FARS2: variants seen among roughly 807,000 people sequenced by gnomAD.
The protein encoded by FARS2 is phenylalanyl-tRNA synthetase 2, mitochondrial, also known as phenylalanine--tRNA ligase, mitochondrial.
In FARS2, 40 loss-of-function variants were observed where a neutral mutation model predicts 46.4. The observed-to-expected ratio is 0.86, with a 90% CI of 0.67 to 1.12. The LOEUF (loss-of-function observed/expected upper bound fraction) is 1.12. Ranked by LOEUF, FARS2 falls within the 50% of genes most tolerant of loss-of-function variation. The pLI, the probability that FARS2 is intolerant of heterozygous loss-of-function variation, is 0.00. For missense variants in FARS2, 513 were observed against 567.9 expected (o/e 0.90, Z 0.98); for synonymous variants, 234 against 214.9 (o/e 1.09, Z -0.78).
At chr6:5,324,029 A>G (rs1770173892) in intron 1 of FARS2, among the ~76,000 whole-genome samples, 1 of 152,062 alleles carries the variant, frequency 6.6e-6, no homozygotes, top group African/African-American at 2.4e-5. Context: ...TCTCCCTCAC[A>G]TGGAAACATG....
At chr6:5,380,887 A>G (rs1759715941) in intron 2 of FARS2, among the ~76,000 whole-genome samples, 1 of 152,144 alleles carries the variant, frequency 6.6e-6, no homozygotes, top group Admixed American at 6.5e-5. Flanking sequence ...ATCTAAATAC[A>G]ATGTTAGTCT....
At chr6:5,655,407 A>G (rs1362788880) in intron 6 of FARS2, among the ~76,000 whole-genome samples, 1 of 152,190 alleles carries the variant, frequency 6.6e-6, no homozygotes, top group Admixed American at 6.5e-5. Flanking sequence ...AATTACCACA[A>G]ACATAGTGGC....
At chr6:5,414,339 C>A (rs574254373) in intron 3 of FARS2, among the ~76,000 whole-genome samples, 2 of 152,178 alleles carry the variant, frequency 1.3e-5, no homozygotes, top group Non-Finnish European at 2.9e-5. Flanking sequence ...TAAACCATCA[C>A]CACAATCAAG....
At chr6:5,645,999 A>G (rs1279108691) in intron 6 of FARS2, among the ~76,000 whole-genome samples, 1 of 152,174 alleles carries the variant, frequency 6.6e-6, no homozygotes, top group Non-Finnish European at 1.5e-5. Context: ...CCAGGAAGCC[A>G]TCCTGTTTTT....
chr6:5,595,090 G>C (rs9502320), intron 5 of FARS2, among the ~76,000 whole-genome samples: 127,722 of 152,122 alleles, frequency 0.84, 53,804 homozygotes, highest in African/African-American at 0.9. Context: ...AGCTGAGAGG[G>C]CACAGCTTAA....
At chr6:5,327,071 G>A (rs1047971539) in intron 1 of FARS2, among the ~76,000 whole-genome samples, 5 of 152,102 alleles carry the variant, frequency 3.3e-5, no homozygotes, top group East Asian at 1.9e-4. Context: ...CTCCTTAGGC[G>A]TGATTCCTTA....
intron 4 of FARS2, among the ~76,000 whole-genome samples, chr6:5,481,475 G>T (rs1766453160): frequency 1.3e-5 from 2 of 152,136 alleles, no homozygotes; most frequent in South Asian, 2.1e-4. Flanking sequence ...TCGTTTTTCT[G>T]GATCTGCCTC....
chr6:5,442,927 A>G (rs1763923480), intron 4 of FARS2, among the ~76,000 whole-genome samples: 1 of 152,160 alleles, frequency 6.6e-6, no homozygotes, highest in South Asian at 2.1e-4. Context: ...AAGCTGTGGT[A>G]TCTGTCTACA....
chr6:5,529,898 G>T (rs759374359), intron 4 of FARS2, among the ~76,000 whole-genome samples: 1 of 152,188 alleles, frequency 6.6e-6, no homozygotes, highest in African/African-American at 2.4e-5. Flanking sequence ...AAGCTAGCTG[G>T]TTGGATGATG....
At chr6:5,650,441 A>G (rs891804917) in intron 6 of FARS2, among the ~76,000 whole-genome samples, 11 of 152,170 alleles carry the variant, frequency 7.2e-5, no homozygotes, top group African/African-American at 2.7e-4. Context: ...ACCAAGCACC[A>G]TTATAATTTA....
At chr6:5,698,473 G>A (rs1392113962) in intron 6 of FARS2, among the ~76,000 whole-genome samples, 1 of 152,190 alleles carries the variant, frequency 6.6e-6, no homozygotes, top group Non-Finnish European at 1.5e-5. Context: ...CTCAGCATGA[G>A]ATTTGGGCAG....
chr6:5,593,419 A>G (rs952161533), intron 5 of FARS2, among the ~76,000 whole-genome samples: 6 of 152,310 alleles, frequency 3.9e-5, no homozygotes, highest in Admixed American at 3.3e-4. Context: ...GCAAGAGAAC[A>G]TGTTGCAGAG....
intron 1 of FARS2, among the ~76,000 whole-genome samples, chr6:5,264,887 G>A (rs1053461973): frequency 3.3e-5 from 5 of 151,796 alleles, no homozygotes; most frequent in South Asian, 2.1e-4. Flanking sequence ...TCAAACTCCC[G>A]TGCTGAAGTG....
At chr6:5,621,251 T>C (rs1775760392) in intron 6 of FARS2, among the ~76,000 whole-genome samples, 1 of 151,454 alleles carries the variant, frequency 6.6e-6, no homozygotes, top group East Asian at 1.9e-4. Flanking sequence ...CACACTTGGC[T>C]AACTTTTTTT....
At chr6:5,444,394 G>A (rs1455324756) in intron 4 of FARS2, among the ~76,000 whole-genome samples, 1 of 146,186 alleles carries the variant, frequency 6.8e-6, no homozygotes, top group East Asian at 2.1e-4. Context: ...TTGAATCCGG[G>A]AGGCAGAGGT....
At chr6:5,506,478 G>A (rs1768105666) in intron 4 of FARS2, among the ~76,000 whole-genome samples, 1 of 152,168 alleles carries the variant, frequency 6.6e-6, no homozygotes, top group South Asian at 2.1e-4. Context: ...GCTGGGCACA[G>A]CCTCTTAACC....
intron 4 of FARS2, among the ~76,000 whole-genome samples, chr6:5,436,831 A>G (rs1188404419): frequency 6.6e-6 from 1 of 152,238 alleles, no homozygotes; most frequent in Non-Finnish European, 1.5e-5. Context: ...GATAATTCTT[A>G]CGAATGACTC....
At chr6:5,641,191 T>C (rs2150739610) in intron 6 of FARS2, among the ~76,000 whole-genome samples, 1 of 152,334 alleles carries the variant, frequency 6.6e-6, no homozygotes, top group Non-Finnish European at 1.5e-5. Flanking sequence ...ACAGGGCCAC[T>C]GAGAGGCAAG....
intron 4 of FARS2, among the ~76,000 whole-genome samples, chr6:5,536,923 T>C (rs1770238610): frequency 6.6e-6 from 1 of 152,242 alleles, no homozygotes; most frequent in Non-Finnish European, 1.5e-5. Context: ...AAGCTAATTT[T>C]GTTGGAAGTT....
Sources: gnomAD v4.1 joint callset for allele counts (sites outside exome capture counted in the v4.1 genomes callset) on GRCh38, gnomAD v4.1.1 for gene constraint, MANE v1.5 for transcripts, NCBI Gene and HGNC (gene_info 2026-07-23, HGNC 2026-07-21) for gene names.